Variants in PLVAP observed in about 807,000 individuals in gnomAD.
The protein encoded by PLVAP is plasmalemma vesicle-associated protein.
Under a neutral mutation model 43.1 loss-of-function variants are expected in PLVAP, and 34 were observed. The observed-to-expected ratio is 0.79, with a 90% confidence interval of 0.60 to 1.05. PLVAP has a LOEUF of 1.05. Ranked by LOEUF, PLVAP falls within the 50% of genes least tolerant of loss-of-function variation. The probability of loss-of-function intolerance (pLI) is 0.00; values close to 1 mark genes in which losing one functional copy is unlikely to be tolerated. For synonymous variants in PLVAP, 241 were observed against 237.3 expected, an observed-to-expected ratio of 1.02 and a Z score of -0.14; for missense variants, 574 against 593.4, an observed-to-expected ratio of 0.97 and a Z score of 0.34.
chr19:17,374,996 A>G (rs117517764), intron 1 of PLVAP, among the ~76,000 whole-genome samples: 18,004 of 151,932 alleles, frequency 0.12, 1,381 homozygotes, highest in East Asian at 0.17. Flanking sequence ...TAATTTTTGT[A>G]TTTTTAGTAC....
Position 17,360,515 on chromosome 19 carries a change from C to A in PLVAP, c.1322+13G>T, listed in dbSNP as rs772749788. 1 of 1,612,540 alleles carries A rather than the reference C, an allele frequency of 6.2e-7. No individual in the cohort carries two copies. Among genetic ancestry groups the A allele is most frequent in the South Asian group, 1.1e-5 (1 of 91,044 alleles). ...TCTAAGACTGAACAACTGCAGTCTG[C>A]CCAGTGCCTTACCTGGATGGGGCTA... On this transcript the variant is annotated intron_variant, in intron 5 of 5. Transcript: ENST00000252590.
At chr19:17,374,075 T>A (rs1414117246) in intron 1 of PLVAP, among the ~76,000 whole-genome samples, 1 of 152,108 alleles carries the variant, frequency 6.6e-6, no homozygotes, top group East Asian at 1.9e-4. Context: ...GGCAACAGAA[T>A]CGCTTGAGCC....
intron 1 of PLVAP, among the ~76,000 whole-genome samples, chr19:17,367,357 G>A: frequency 6.6e-6 from 1 of 151,862 alleles, no homozygotes; most frequent in Non-Finnish European, 1.5e-5. Flanking sequence ...TGGGACTACA[G>A]GCCTGTGCCA....
rs1033292789 is a variant in PLVAP, at chr19:17,366,091, G to C, written c.466+8C>G. 4.3e-6 allele frequency: 7 copies of C among 1,613,954 alleles called. No homozygotes were observed. The highest frequency in any genetic ancestry group is 5.9e-6 in the Non-Finnish European group (7 of 1,179,982). ...ACCACCCCGGCTCCCTGCAGCCTTA[G>C]CACTCACCATCGCAGCTCTTGTTCA... On this transcript the variant is annotated splice_region_variant and intron_variant, in intron 2 of 5. Coordinates refer to ENST00000252590, the MANE Select transcript of PLVAP (RefSeq NM_031310.3).
In PLVAP at chr19:17,365,850, C is replaced by G; in HGVS notation, c.615G>C (p.Glu205Asp). 2 of 1,614,138 alleles carry G rather than the reference C, an allele frequency of 1.2e-6. No individual in the cohort carries two copies. Among genetic ancestry groups the G allele is most frequent in the Admixed American group, 1.7e-5 (1 of 60,014 alleles). ...EQLVECVKTRELQHQERQLAK... is the reference protein window; with the variant it reads ...EQLVECVKTRDLQHQERQLAK... ...CCAGCTGGCGCTCTTGGTGCTGCAG[C>G]TCCCGGGTTTTCACGCATTCAACCA... The change falls in exon 3 of 6, where the codon GAG (glutamate) becomes GAC (aspartate). Residue 205 changes from glutamate to aspartate, a missense_variant. Physicochemically the swap from Glu to Asp is conservative, Grantham distance 45. Transcript: ENST00000252590.
chr19:17,361,065 C>G, intron 3 of PLVAP: 1 of 474,792 alleles, frequency 2.1e-6, no homozygotes, highest in South Asian at 2.7e-5. Flanking sequence ...CAGTCACACA[C>G]CACCATGCCT....
At chr19:17,361,930 A>T (rs1041972394) in intron 3 of PLVAP, among the ~76,000 whole-genome samples, 9 of 150,812 alleles carry the variant, frequency 6.0e-5, no homozygotes, top group Admixed American at 3.3e-4. Context: ...AAATAAAAAA[A>T]AAAAAATCAG....
At position 17,375,754 on chromosome 19, in the gene PLVAP, G is replaced by A. The variant is rs187317997; in HGVS notation, c.369+1166C>T. 3.6e-4 allele frequency among the ~76,000 whole-genome samples: 55 copies of A among 152,124 alleles called. 1 individual carries two copies. The highest frequency in any genetic ancestry group is 1.2e-3 in the African/African-American group (49 of 41,528). On this transcript the variant is annotated intron_variant, in intron 1 of 5. Transcript: ENST00000252590. Reference sequence around the variant, plus strand: ...AAAATTAGCTGGCATGGTTGCACACGCCTGTAATCCCAGCTACTCAGGAGG... The same window carrying A: ...AAAATTAGCTGGCATGGTTGCACACACCTGTAATCCCAGCTACTCAGGAGG...
intron 3 of PLVAP, among the ~76,000 whole-genome samples, chr19:17,364,243 G>A (rs535950094): frequency 1.3e-5 from 2 of 152,026 alleles, no homozygotes; most frequent in South Asian, 2.1e-4. Context: ...ACGCCGCCAC[G>A]CCCAGCTAAT....
chr19:17,352,951 A>G (rs2074492113), intron 5 of PLVAP, among the ~76,000 whole-genome samples: 1 of 151,572 alleles, frequency 6.6e-6, no homozygotes, highest in Non-Finnish European at 1.5e-5. Flanking sequence ...CAAAGACCCA[A>G]CAATTCCAAG....
At chr19:17,369,460 C>A (rs2074563289) in intron 1 of PLVAP, among the ~76,000 whole-genome samples, 1 of 144,548 alleles carries the variant, frequency 6.9e-6, no homozygotes, top group South Asian at 2.3e-4. Flanking sequence ...CATGGCGAAA[C>A]CCCATCTTTG....
intron 5 of PLVAP, among the ~76,000 whole-genome samples, chr19:17,358,309 A>G (rs2074514604): frequency 6.6e-6 from 1 of 151,456 alleles, no homozygotes; most frequent in Non-Finnish European, 1.5e-5. Flanking sequence ...GGAGCTGGAC[A>G]TGATGCATCC....
chr19:17,363,870 G>A (rs1047682015), intron 3 of PLVAP, among the ~76,000 whole-genome samples: 3 of 151,184 alleles, frequency 2.0e-5, no homozygotes, highest in Non-Finnish European at 4.4e-5. Context: ...AGCCTGCTGA[G>A]TAGCTGGGAC....
chr19:17,360,478 T>G, intron 5 of PLVAP, 50 bp downstream of exon 5: 1 of 1,572,092 alleles, frequency 6.4e-7, no homozygotes, highest in Non-Finnish European at 8.8e-7. Context: ...TGGTCCTAGC[T>G]TTGCCCACAG....
intron 1 of PLVAP, among the ~76,000 whole-genome samples, chr19:17,369,271 C>T (rs533623051): frequency 1.3e-5 from 2 of 151,592 alleles, no homozygotes; most frequent in African/African-American, 2.4e-5. Flanking sequence ...CTGTAACCTC[C>T]GTCTCCCGGG....
chr19:17,360,418 C>T, intron 5 of PLVAP, 110 bp downstream of exon 5: 1 of 1,166,592 alleles, frequency 8.6e-7, no homozygotes, highest in Admixed American at 1.8e-5. Context: ...AGCAGGTGCT[C>T]AATTAAGGAA....
chr19:17,360,977 T>A (rs2074526325), intron 3 of PLVAP, 145 bp from the exon 4 acceptor site: 3 of 721,080 alleles, frequency 4.2e-6, no homozygotes, highest in Non-Finnish European at 6.7e-6. Context: ...TGCAGTGGTG[T>A]GATCTTGGCT....
intron 5 of PLVAP, among the ~76,000 whole-genome samples, chr19:17,354,255 A>G (rs977427952): frequency 6.6e-6 from 1 of 152,014 alleles, no homozygotes; most frequent in African/African-American, 2.4e-5. Context: ...ACACCACTGC[A>G]CTGCAGCCTG....
chr19:17,360,396 G>T lies in PLVAP; in HGVS notation c.1322+132C>A, dbSNP rs1372577563. The T allele has an allele frequency of 4.4e-6, 4 of 910,794 alleles. No individual in the cohort carries two copies. The African/African-American group carries it at 6.5e-5, about 15-fold the overall frequency. 56.4% of individuals were successfully genotyped at this position (910,794 alleles called of 1,614,324 possible). A position where few individuals can be genotyped will look rare whatever the true frequency, so the allele number is the denominator to read the frequency against. On this transcript the variant is annotated intron_variant, in intron 5 of 5. Coordinates refer to ENST00000252590, the MANE Select transcript of PLVAP (RefSeq NM_031310.3). The stretch of plus-strand genomic sequence containing the variant: ...GTGTCCCTCACGCCCAACCATACAT[G>T]ACCTAGTATACAGCAGGTGCTCAAT...
Sources: allele counts gnomAD v4.1 joint callset (sites outside exome capture counted in the v4.1 genomes callset), GRCh38; gene constraint gnomAD v4.1.1; transcripts MANE v1.5; gene names NCBI Gene and HGNC (gene_info 2026-07-23, HGNC 2026-07-21).